Variants in DCAF6 observed in about 807,000 individuals in gnomAD.
The protein encoded by DCAF6 is DDB1- and CUL4-associated factor 6.
Under a neutral mutation model 125.1 loss-of-function variants are expected in DCAF6, and 54 were observed. That is an observed-to-expected ratio of 0.43 (90% confidence interval 0.35 to 0.54). The LOEUF (loss-of-function observed/expected upper bound fraction) is 0.54, where lower values mean the gene tolerates loss of function less well. DCAF6 is among the 20% of genes least tolerant of loss of function. The pLI is 0.01. For synonymous variants in DCAF6, 371 were observed against 390.4 expected (o/e 0.95, Z 0.58); for missense variants, 934 against 1,161.7 (o/e 0.80, Z 2.85).
At chr1:168,049,563 T>C (rs1222330012) in intron 16 of DCAF6, among the ~76,000 whole-genome samples, 1 of 147,626 alleles carries the variant, frequency 6.8e-6, no homozygotes, top group African/African-American at 2.5e-5. Flanking sequence ...CGCCTGGCCA[T>C]ATACTGGGTT....
chr1:168,072,201 G>T (rs1693135143), intron 21 of DCAF6, among the ~76,000 whole-genome samples: 1 of 148,386 alleles, frequency 6.7e-6, no homozygotes, highest in East Asian at 2.0e-4. Flanking sequence ...GGAGGCTGAG[G>T]CAGGAGAATC....
chr1:168,012,232 TGTA>T (rs1326789363), intron 10 of DCAF6, among the ~76,000 whole-genome samples: 1 of 152,206 alleles, frequency 6.6e-6, no homozygotes, highest in Non-Finnish European at 1.5e-5. Context: ...CTGTATGTAT[TGTA>T]GAGGCAGGAT....
the DCAF6 span, among the ~76,000 whole-genome samples, chr1:167,918,621 TCTCA>T: frequency 2.8e-5 from 4 of 144,626 alleles, no homozygotes; most frequent in Admixed American, 2.8e-4. Context: ...TGAGATGGAG[TCTCA>T]CTCTGTCGCC....
At chr1:167,899,053 G>C in the DCAF6 span, among the ~76,000 whole-genome samples, 1 of 152,096 alleles carries the variant, frequency 6.6e-6, no homozygotes, top group South Asian at 2.1e-4. Context: ...GGGTTAGGAG[G>C]GTGTTGGGTA....
the DCAF6 span, among the ~76,000 whole-genome samples, chr1:167,894,799 T>C: frequency 6.6e-6 from 1 of 152,106 alleles, no homozygotes; most frequent in South Asian, 2.1e-4. Context: ...GCCGGTGGTC[T>C]GGGGATCCCA....
chr1:167,875,651 T>C, the DCAF6 span, among the ~76,000 whole-genome samples: 1 of 152,168 alleles, frequency 6.6e-6, no homozygotes, highest in Non-Finnish European at 1.5e-5. Flanking sequence ...ACAAAAACAC[T>C]GTTAAGAAGT....
chr1:168,001,058 T>G (rs1314242893), intron 7 of DCAF6, among the ~76,000 whole-genome samples: 1 of 152,290 alleles, frequency 6.6e-6, no homozygotes, highest in South Asian at 2.1e-4. Flanking sequence ...CCCAACACTT[T>G]GGGAGGCAGA....
intron 4 of DCAF6, among the ~76,000 whole-genome samples, chr1:167,977,413 A>G (rs1363866468): frequency 2.0e-5 from 3 of 151,892 alleles, no homozygotes; most frequent in Admixed American, 1.3e-4. Context: ...GTATTCCATT[A>G]TATTCTGACT....
chr1:167,924,221 T>G, the DCAF6 span, among the ~76,000 whole-genome samples: 1 of 152,198 alleles, frequency 6.6e-6, no homozygotes, highest in Non-Finnish European at 1.5e-5. Context: ...TAATAACATT[T>G]TAGAATGAAA....
the DCAF6 span, among the ~76,000 whole-genome samples, chr1:167,925,453 A>ATCTATATC: frequency 9.0e-6 from 1 of 110,644 alleles, no homozygotes; most frequent in African/African-American, 3.8e-5. Context: ...ATATATATAT[A>ATCTATATC]TATATATATA....
intron 3 of DCAF6, among the ~76,000 whole-genome samples, chr1:167,967,696 G>C (rs560469953): frequency 8.3e-6 from 1 of 120,960 alleles, no homozygotes; most frequent in East Asian, 2.6e-4. Context: ...TCTCCTGATT[G>C]TCTTAAATTT....
the DCAF6 span, among the ~76,000 whole-genome samples, chr1:167,885,367 T>A: frequency 6.6e-6 from 1 of 152,248 alleles, no homozygotes; most frequent in Non-Finnish European, 1.5e-5. Context: ...ACTTTCAAAC[T>A]GTTCTCCAAG....
At chr1:167,892,688 T>A in the DCAF6 span, among the ~76,000 whole-genome samples, 1 of 152,148 alleles carries the variant, frequency 6.6e-6, no homozygotes, top group East Asian at 1.9e-4. Flanking sequence ...GGGCTGAAGG[T>A]GGCAGGGTGC....
At position 168,068,238 on chromosome 1, in the gene DCAF6, C is replaced by T. The variant is rs568054406; in HGVS notation, c.2686-120C>T. On this transcript the variant is annotated intron_variant, in intron 20 of 21. Coordinates refer to ENST00000367840, the MANE Select transcript of DCAF6 (RefSeq NM_001198956.2). ...TTAAGGCAGAAATATAGACATCAGA[C>T]GCATAAAGAATGAAGTAATTCCTCC... The T allele has an allele frequency of 8.8e-4, 508 of 574,904 alleles. 6 individuals are homozygous for T. Among genetic ancestry groups the T allele is most frequent in the South Asian group, 8.6e-3 (387 of 45,200 alleles). 35.6% of individuals were successfully genotyped at this position (574,904 alleles called of 1,614,324 possible). A position where few individuals can be genotyped will look rare whatever the true frequency, so the allele number is the denominator to read the frequency against.
intron 21 of DCAF6, among the ~76,000 whole-genome samples, chr1:168,074,168 A>C (rs1693517305): frequency 6.6e-6 from 1 of 151,808 alleles, no homozygotes; most frequent in Non-Finnish European, 1.5e-5. Flanking sequence ...TGGACAATTA[A>C]ACAATTAAAA....
upstream of DCAF6, chr1:167,936,247 A>T (rs1273057055): frequency 3.9e-5 from 9 of 228,628 alleles, no homozygotes; most frequent in South Asian, 3.8e-4. Context: ...CCTTCTCCCC[A>T]TGCCCTCGAG....
chr1:168,033,905 T>C (rs1353379983), intron 12 of DCAF6, among the ~76,000 whole-genome samples: 1 of 152,218 alleles, frequency 6.6e-6, no homozygotes, highest in East Asian at 1.9e-4. Context: ...CCCACTATAT[T>C]GTGTGTGTGC....
the DCAF6 span, chr1:167,870,375 T>A: frequency 3.1e-6 from 5 of 1,612,578 alleles, no homozygotes; most frequent in Non-Finnish European, 4.2e-6. Flanking sequence ...AATTTCTTCA[T>A]AGTATACATG....
chr1:168,003,792 C>A, intron 8 of DCAF6, 78 bp from the exon 9 acceptor site: 1 of 1,329,418 alleles, frequency 7.5e-7, no homozygotes, highest in Non-Finnish European at 1.0e-6. Flanking sequence ...TTTTAAAGCC[C>A]TTCAAATCTA....
Sources: gnomAD v4.1 joint callset for allele counts (sites outside exome capture counted in the v4.1 genomes callset) on GRCh38, gnomAD v4.1.1 for gene constraint, MANE v1.5 for transcripts, NCBI Gene and HGNC (gene_info 2026-07-23, HGNC 2026-07-21) for gene names.